Variants in SUMF1 observed in about 807,000 individuals in gnomAD.
SUMF1 encodes sulfatase modifying factor 1, also known as formylglycine-generating enzyme.
SUMF1 carries 48 observed loss-of-function variants against 47.6 expected under a neutral mutation model. That is an observed-to-expected ratio of 1.01 (90% CI 0.80 to 1.28). The LOEUF is 1.28. SUMF1 is among the 50% of genes most tolerant of loss of function. SUMF1 has a pLI of 0.00. For synonymous variants in SUMF1, 230 were observed against 192.1 expected (o/e 1.20, Z -1.63); for missense variants, 571 against 485.4 (o/e 1.18, Z -1.66).
chr3:4,107,449 A>C (rs1261058469), intron 8 of SUMF1, among the ~76,000 whole-genome samples: 1 of 152,136 alleles, frequency 6.6e-6, no homozygotes. Context: ...GCAAATGACA[A>C]AGTTGAGACT....
At chr3:4,080,229 C>A (rs1692530437) in intron 8 of SUMF1, among the ~76,000 whole-genome samples, 1 of 152,124 alleles carries the variant, frequency 6.6e-6, no homozygotes, top group African/African-American at 2.4e-5. Context: ...TGATCTCAAA[C>A]TTAAGTTTTT....
chr3:4,379,035 T>C (rs1476336998), intron 7 of SUMF1, among the ~76,000 whole-genome samples: 1 of 152,228 alleles, frequency 6.6e-6, no homozygotes, highest in East Asian at 1.9e-4. Context: ...GACACAACTG[T>C]GGCACCTAAC....
At chr3:4,287,758 A>G (rs1339087478) in intron 8 of SUMF1, among the ~76,000 whole-genome samples, 1 of 152,242 alleles carries the variant, frequency 6.6e-6, no homozygotes, top group Non-Finnish European at 1.5e-5. Flanking sequence ...TTTAGGAACA[A>G]CAGATTCAAA....
rs576422230 is a variant in SUMF1 at position 4,238,207 on chromosome 3, C to G, written c.1014+138123G>C. Reference sequence around the variant, plus strand: ...ATGGGCATTTGGGTGGGTTCCAAGTCTTTGCTTTTGTGAACAGTGCTGCAA... The same window carrying G: ...ATGGGCATTTGGGTGGGTTCCAAGTGTTTGCTTTTGTGAACAGTGCTGCAA... On this transcript the variant is annotated intron_variant and NMD_transcript_variant, in intron 8 of 12. Transcript: ENST00000448413. Among the ~76,000 whole-genome samples the G allele has an allele frequency of 1.1e-4, 17 of 152,218 alleles. No individual in the cohort carries two copies. The South Asian group carries it at 3.5e-3, about 32-fold the overall frequency.
chr3:4,074,979 C>T (rs1480801888), intron 8 of SUMF1, among the ~76,000 whole-genome samples: 1 of 152,118 alleles, frequency 6.6e-6, no homozygotes, highest in Non-Finnish European at 1.5e-5. Flanking sequence ...AGGGAATCCT[C>T]CCTAACTCAT....
intron 8 of SUMF1, among the ~76,000 whole-genome samples, chr3:4,074,384 G>C (rs777701152): frequency 6.6e-6 from 1 of 152,122 alleles, no homozygotes; most frequent in Non-Finnish European, 1.5e-5. Context: ...ACAAGAGAAA[G>C]CAGGAAAGAT....
chr3:4,164,176 A>G (rs1408042149), intron 8 of SUMF1, among the ~76,000 whole-genome samples: 1 of 152,150 alleles, frequency 6.6e-6, no homozygotes, highest in Non-Finnish European at 1.5e-5. Flanking sequence ...AAGTCTCCCA[A>G]TTACAACTGA....
At chr3:4,035,586 G>T (rs961347631) in intron 9 of SUMF1, among the ~76,000 whole-genome samples, 1 of 152,128 alleles carries the variant, frequency 6.6e-6, no homozygotes, top group Non-Finnish European at 1.5e-5. Flanking sequence ...TTAGGACAAG[G>T]ATATATTTTA....
intron 8 of SUMF1, among the ~76,000 whole-genome samples, chr3:4,305,006 T>C (rs923349537): frequency 6.6e-6 from 1 of 152,032 alleles, no homozygotes; most frequent in African/African-American, 2.4e-5. Flanking sequence ...TAGATTTTAA[T>C]TTTTCTGGTT....
At chr3:4,331,863 A>G (rs1699058816) in intron 8 of SUMF1, among the ~76,000 whole-genome samples, 1 of 152,182 alleles carries the variant, frequency 6.6e-6, no homozygotes, top group Non-Finnish European at 1.5e-5. Context: ...ATCTAAAGAC[A>G]TAAGTTTATA....
At chr3:4,313,120 C>T (rs1490074973) in intron 8 of SUMF1, 1 of 1,614,002 alleles carries the variant, frequency 6.2e-7, no homozygotes, top group Non-Finnish European at 8.5e-7. Flanking sequence ...ATGCAGTGAC[C>T]ACTGCAGAAA....
At chr3:4,313,174 A>C in intron 8 of SUMF1, 2 of 1,614,070 alleles carry the variant, frequency 1.2e-6, no homozygotes, top group Non-Finnish European at 1.7e-6. Context: ...CCAAGTGTTC[A>C]AGACGCATAA....
chr3:4,406,977 T>C (rs142704904), intron 7 of SUMF1, among the ~76,000 whole-genome samples: 1 of 152,224 alleles, frequency 6.6e-6, no homozygotes, highest in East Asian at 1.9e-4. Context: ...AAAACCACAT[T>C]ATGATTGGGT....
chr3:4,459,734 C>T (rs1280436891), intron 1 of SUMF1, among the ~76,000 whole-genome samples: 1 of 152,172 alleles, frequency 6.6e-6, no homozygotes, highest in Non-Finnish European at 1.5e-5. Flanking sequence ...TCTCTCTAAT[C>T]TCTCCCTCTT....
At chr3:4,290,877 T>C (rs1177324838) in intron 8 of SUMF1, among the ~76,000 whole-genome samples, 1 of 152,142 alleles carries the variant, frequency 6.6e-6, no homozygotes, top group Non-Finnish European at 1.5e-5. Context: ...TGTTGGTAGC[T>C]TGAAATTAGC....
chr3:4,215,345 A>G (rs975598152), intron 8 of SUMF1, among the ~76,000 whole-genome samples: 17 of 152,200 alleles, frequency 1.1e-4, no homozygotes, highest in African/African-American at 4.1e-4. Flanking sequence ...AAAATTCAAC[A>G]TCCCTTCATG....
At position 4,418,108 on chromosome 3, in the gene SUMF1, C is replaced by G. The variant is rs748118171; in HGVS notation, c.627G>C (p.Val209=). 5.6e-6 allele frequency: 9 copies of G among 1,613,984 alleles called. No individual in the cohort carries two copies. In the Admixed American group the frequency reaches 1.2e-4, roughly 21 times the overall value. Residue 209 remains valine, a synonymous_variant, in exon 5 of 9, where the codon GTG becomes GTC. Transcript: ENST00000272902. ...AGTAGGCAACCGCATCATTCCAGGA[C>G]ACATGGAGAACTGGATGATCCGGCC... ...LHRPDHPVLH[V]SWNDAVAYCT... is the part of the protein sequence containing the mutation.
At chr3:4,052,622 A>G (rs1695131257) in intron 9 of SUMF1, among the ~76,000 whole-genome samples, 2 of 152,214 alleles carry the variant, frequency 1.3e-5, no homozygotes, top group Non-Finnish European at 2.9e-5. Context: ...TAAGAAAACT[A>G]CTACTTACCC....
At chr3:4,111,356 A>G (rs77414198) in intron 8 of SUMF1, among the ~76,000 whole-genome samples, 4,706 of 152,182 alleles carry the variant, frequency 0.031, 276 homozygotes, top group African/African-American at 0.11. Context: ...GTAGTATAAA[A>G]CAGAATAAAA....
Sources: allele counts gnomAD v4.1 joint callset (sites outside exome capture counted in the v4.1 genomes callset), GRCh38; gene constraint gnomAD v4.1.1; transcripts MANE v1.5; gene names NCBI Gene and HGNC (gene_info 2026-07-23, HGNC 2026-07-21).